Variants in UBXN2B observed in about 807,000 individuals in gnomAD.
The protein encoded by UBXN2B is UBX domain-containing protein 2B.
UBXN2B carries 19 observed loss-of-function variants against 37.5 expected under a neutral mutation model. The ratio of observed to expected loss-of-function variants is 0.51; its 90% CI spans 0.35 to 0.74. UBXN2B has a LOEUF of 0.74. Ranked by LOEUF, UBXN2B falls within the 30% of genes least tolerant of loss-of-function variation. The pLI is 0.01. For synonymous variants in UBXN2B, 145 were observed against 143.8 expected, an observed-to-expected ratio of 1.01 and a Z score of -0.06; for missense variants, 370 against 393.2, an observed-to-expected ratio of 0.94 and a Z score of 0.50.
chr8:58,435,196 G>C, intron 5 of UBXN2B: 1 of 1,229,250 alleles, frequency 8.1e-7, no homozygotes, highest in Non-Finnish European at 1.0e-6. Context: ...GAAAGGATCA[G>C]AGTTTTACTG....
chr8:58,426,984 G>T (rs1342254381), intron 2 of UBXN2B, among the ~76,000 whole-genome samples: 1 of 152,212 alleles, frequency 6.6e-6, no homozygotes, highest in Non-Finnish European at 1.5e-5. Context: ...TAAAATAGGA[G>T]TAATACCATT....
intron 2 of UBXN2B, 77 bp downstream of exon 2, chr8:58,417,030 A>G: frequency 8.5e-7 from 1 of 1,177,332 alleles, no homozygotes; most frequent in Non-Finnish European, 1.2e-6. Context: ...ATTATTTTAA[A>G]TGGCCTTCTT....
chr8:58,413,563 G>A (rs756446603), intron 1 of UBXN2B, among the ~76,000 whole-genome samples: 21 of 152,132 alleles, frequency 1.4e-4, no homozygotes, highest in Non-Finnish European at 2.8e-4. Context: ...TTCAGAGTGA[G>A]TAAAGGGGCA....
intron 2 of UBXN2B, chr8:58,424,513 T>C: frequency 1.4e-6 from 1 of 728,088 alleles, no homozygotes; most frequent in Non-Finnish European, 2.3e-6. Flanking sequence ...ATAAACTTTC[T>C]TGCGAAAGTT....
At chr8:58,439,898 G>C in intron 6 of UBXN2B, 128 bp downstream of exon 6, 1 of 718,790 alleles carries the variant, frequency 1.4e-6, no homozygotes, top group Non-Finnish European at 2.1e-6. Flanking sequence ...ATATACATCT[G>C]TTAATATTAT....
chr8:58,411,789 C>T (rs1363671199), intron 1 of UBXN2B, among the ~76,000 whole-genome samples: 1 of 152,230 alleles, frequency 6.6e-6, no homozygotes, highest in African/African-American at 2.4e-5. Flanking sequence ...TTGAGACTTA[C>T]TCCAGAAGAA....
Position 58,450,869 on chromosome 8 carries a change from A to C in UBXN2B, c.*3318A>C, listed in dbSNP as rs1215897427. The C allele has an allele frequency of 6.6e-6, 1 of 152,250 alleles. No individual in the cohort carries two copies. The highest frequency in any genetic ancestry group is 2.4e-5 in the African/African-American group (1 of 41,442). 9.4% of individuals were successfully genotyped at this position (152,250 alleles called of 1,614,324 possible). A position where few individuals can be genotyped will look rare whatever the true frequency, so the allele number is the denominator to read the frequency against. On this transcript the variant is annotated 3_prime_UTR_variant, in exon 8 of 8. Transcript: ENST00000399598. ...GCTACCAGAACTACCACAGGATGAA[A>C]GTGGTGAGCCCACCACTGCAGAGAA... is the stretch of plus-strand genomic sequence containing the variant.
chr8:58,411,426 G>C lies in UBXN2B; in HGVS notation c.41G>C (p.Arg14Thr). The C allele has an allele frequency of 2.4e-6, 3 of 1,266,494 alleles. No homozygotes were observed. Among genetic ancestry groups the C allele is most frequent in the Non-Finnish European group, 3.0e-6 (3 of 1,000,344 alleles). The allele number at this position is 1,266,494 out of a possible 1,614,324, so 78.5% of individuals were successfully genotyped here. ...GGCCCTGAGCCCGGCGAGCAGGAGA[G>C]GAGGTCTTCCGGGCCGCGGCCTCCG... ...GGGPEPGEQE[R>T]RSSGPRPPSA... is the part of the protein sequence containing the mutation. Residue 14 changes from arginine to threonine, a missense_variant, in exon 1 of 8, where the codon AGG becomes ACG. Around this residue, in one of 3 missense-constraint regions of UBXN2B, gnomAD observed 197 missense variants for 170.2 expected, o/e 1.16. Transcript: ENST00000399598.
intron 3 of UBXN2B, 139 bp downstream of exon 3, chr8:58,430,808 AT>A: frequency 4.3e-6 from 3 of 696,898 alleles, no homozygotes; most frequent in South Asian, 1.4e-4. Context: ...AAATTATAAT[AT>A]TTCTATTAAT....
At chr8:58,421,723 A>G (rs1165165873) in intron 2 of UBXN2B, among the ~76,000 whole-genome samples, 2 of 152,084 alleles carry the variant, frequency 1.3e-5, no homozygotes, top group African/African-American at 4.8e-5. Flanking sequence ...ATTCCATCCC[A>G]TGTAAAGTAA....
intron 2 of UBXN2B, among the ~76,000 whole-genome samples, chr8:58,429,848 T>C (rs966497042): frequency 3.3e-5 from 5 of 152,184 alleles, no homozygotes; most frequent in African/African-American, 1.2e-4. Flanking sequence ...ATATTCTTGA[T>C]AGAAAAAAAT....
intron 6 of UBXN2B, among the ~76,000 whole-genome samples, chr8:58,441,109 C>T (rs1808528862): frequency 6.6e-6 from 1 of 151,760 alleles, no homozygotes; most frequent in African/African-American, 2.4e-5. Context: ...CTTCCTACCC[C>T]ACTCTCCTGA....
chr8:58,444,570 G>GGC (rs1400332950), intron 6 of UBXN2B, among the ~76,000 whole-genome samples: 2 of 152,198 alleles, frequency 1.3e-5, no homozygotes, highest in Non-Finnish European at 2.9e-5. Context: ...TTATCAGTGA[G>GGC]GCGGAGGTAA....
intron 2 of UBXN2B, among the ~76,000 whole-genome samples, chr8:58,429,186 G>T (rs1808183634): frequency 6.6e-6 from 1 of 152,212 alleles, no homozygotes; most frequent in Admixed American, 6.5e-5. Flanking sequence ...TAGAGATGTG[G>T]AAAGCCTTGA....
intron 2 of UBXN2B, among the ~76,000 whole-genome samples, chr8:58,418,567 G>A (rs1014195790): frequency 1.3e-5 from 2 of 151,986 alleles, no homozygotes; most frequent in African/African-American, 4.8e-5. Flanking sequence ...TTTTTGTCGG[G>A]TATGCTAGAT....
Position 58,451,396 on chromosome 8 carries a change from C to T in UBXN2B, c.*3845C>T, listed in dbSNP as rs960156996. 2.6e-5 allele frequency: 4 copies of T among 152,130 alleles called. No homozygotes were observed. The highest frequency in any genetic ancestry group is 9.7e-5 in the African/African-American group (4 of 41,410). 9.4% of individuals were successfully genotyped at this position (152,130 alleles called of 1,614,324 possible). The stretch of plus-strand genomic sequence containing the variant: ...TATAATCATCTCAAAAAAGATGTCA[C>T]AATGAACAGACAACCATCTGTGAGG... On this transcript the variant is annotated 3_prime_UTR_variant, in exon 8 of 8. Transcript: ENST00000399598.
At chr8:58,440,072 C>T (rs900030720) in intron 6 of UBXN2B, among the ~76,000 whole-genome samples, 3 of 152,246 alleles carry the variant, frequency 2.0e-5, no homozygotes, top group East Asian at 1.9e-4. Flanking sequence ...GATGTAGATA[C>T]TGTTATTACT....
intron 2 of UBXN2B, among the ~76,000 whole-genome samples, chr8:58,423,744 T>G (rs1179651833): frequency 1.2e-5 from 1 of 82,402 alleles, no homozygotes; most frequent in African/African-American, 3.4e-5. Context: ...CGGGGATGGG[T>G]TTTTTTTTTT....
intron 2 of UBXN2B, among the ~76,000 whole-genome samples, chr8:58,424,121 G>A (rs1808009106): frequency 6.6e-6 from 1 of 151,568 alleles, no homozygotes; most frequent in Non-Finnish European, 1.5e-5. Flanking sequence ...GATGGTAAAT[G>A]AGATTGTTCT....
Sources: allele counts gnomAD v4.1 joint callset (sites outside exome capture counted in the v4.1 genomes callset), GRCh38; gene constraint gnomAD v4.1.1; regional missense constraint gnomAD v4.1.1; transcripts MANE v1.5; gene names NCBI Gene and HGNC (gene_info 2026-07-23, HGNC 2026-07-21).